ACACB: variants seen among roughly 807,000 people sequenced by gnomAD.
The protein encoded by ACACB is acetyl-CoA carboxylase beta.
In ACACB, 209 loss-of-function variants were observed where a neutral mutation model predicts 278.8. That is an observed-to-expected ratio of 0.75 (90% CI 0.67 to 0.84). The LOEUF is 0.84. ACACB is among the 40% of genes least tolerant of loss of function. The pLI is 0.00. For missense variants in ACACB, 2,850 were observed against 3,269.0 expected (o/e 0.87, Z 3.13); for synonymous variants, 1,174 against 1,285.6 (o/e 0.91, Z 1.86).
intron 44 of ACACB, among the ~76,000 whole-genome samples, chr12:109,255,693 G>A (rs1280634566): frequency 6.6e-6 from 1 of 152,162 alleles, no homozygotes; most frequent in Non-Finnish European, 1.5e-5. Flanking sequence ...TGTCTCTCTG[G>A]GAAATTGAAA....
At chr12:109,194,550 T>TGTGTGTGTGTC (rs1565908130) in intron 16 of ACACB, among the ~76,000 whole-genome samples, 1 of 13,456 alleles carries the variant, frequency 7.4e-5, no homozygotes, top group African/African-American at 1.9e-4. Context: ...GTGTGTGTGT[T>TGTGTGTGTGTC]TACATTGGCC....
At chr12:109,157,157 C>CGATCT (rs1565871035) in intron 2 of ACACB, among the ~76,000 whole-genome samples, 1 of 152,052 alleles carries the variant, frequency 6.6e-6, no homozygotes, top group Non-Finnish European at 1.5e-5. Flanking sequence ...TGGATTTGGA[C>CGATCT]GATCTAACTT....
At chr12:109,258,845 C>T in intron 46 of ACACB, 128 bp from the exon 47 acceptor site, 1 of 1,248,378 alleles carries the variant, frequency 8.0e-7, no homozygotes, top group Non-Finnish European at 1.1e-6. Context: ...CTTCTGAGCC[C>T]TGGCTCTGGT....
intron 1 of ACACB, among the ~76,000 whole-genome samples, chr12:109,128,272 C>G (rs1219706614): frequency 1.3e-5 from 2 of 152,172 alleles, no homozygotes; most frequent in South Asian, 4.1e-4. Flanking sequence ...CCTCAGCCTC[C>G]CTAGTAGCTG....
intron 43 of ACACB, 111 bp from the exon 44 acceptor site, chr12:109,254,103 G>T (rs2047163788): frequency 5.3e-6 from 7 of 1,320,050 alleles, no homozygotes; most frequent in South Asian, 1.2e-5. Context: ...CCTAGGGAGG[G>T]GATATTGCTG....
intron 45 of ACACB, among the ~76,000 whole-genome samples, chr12:109,256,951 A>T (rs1471149836): frequency 2.0e-5 from 3 of 152,226 alleles, no homozygotes; most frequent in Admixed American, 6.5e-5. Context: ...AATGGCTGCT[A>T]TCATTTACAT....
intron 2 of ACACB, among the ~76,000 whole-genome samples, chr12:109,145,951 G>T (rs1292142274): frequency 6.6e-6 from 1 of 152,156 alleles, no homozygotes; most frequent in South Asian, 2.1e-4. Context: ...AGAGGTTGCA[G>T]TGAGCCAAGA....
At chr12:109,198,251 A>G (rs1279997454) in intron 17 of ACACB, among the ~76,000 whole-genome samples, 1 of 152,122 alleles carries the variant, frequency 6.6e-6, no homozygotes, top group African/African-American at 2.4e-5. Context: ...CAGGATTACT[A>G]TAGGTTCTAC....
At chr12:109,252,961 G>A in intron 42 of ACACB, 54 bp from the exon 43 acceptor site, 1 of 1,429,378 alleles carries the variant, frequency 7.0e-7, no homozygotes, top group Non-Finnish European at 9.3e-7. Context: ...TTCCAAACAG[G>A]TGGTAGAGCC....
rs930121684 is a variant in ACACB at position 109,175,990 on chromosome 12, G to C, written c.1276G>C (p.Glu426Gln). The C allele has an allele frequency of 6.2e-7, 1 of 1,614,214 alleles. No homozygotes were observed. The highest frequency in any genetic ancestry group is 8.5e-7 in the Non-Finnish European group (1 of 1,180,040). Residue 426 changes from glutamate to glutamine, a missense_variant, in exon 8 of 53, where the codon GAA becomes CAA. Transcript: ENST00000338432. ...GCAGGGAAAAAGAATCAGTGTCCCA[G>C]AAGATGTTTATGACAAGGGTTGCGT... ...LQQGKRISVP[E>Q]DVYDKGCVKD...
chr12:109,206,684 C>A (rs749341794), intron 19 of ACACB, 26 bp from the exon 20 acceptor site: 1 of 1,612,398 alleles, frequency 6.2e-7, no homozygotes, highest in East Asian at 2.2e-5. Context: ...TTTTCCTGAC[C>A]TGTCGTTCTT....
intron 34 of ACACB, among the ~76,000 whole-genome samples, chr12:109,239,422 T>C (rs1056959339): frequency 6.6e-6 from 1 of 152,018 alleles, no homozygotes; most frequent in African/African-American, 2.4e-5. Context: ...AGAGCCTTGA[T>C]TGTGGTTTCC....
In ACACB at chr12:109,233,891, C is replaced by T. The variant is rs375755705; in HGVS notation, c.4239+44C>T. 3.7e-5 allele frequency: 60 copies of T among 1,613,030 alleles called. 1 individual carries two copies. In the African/African-American group the frequency reaches 4.5e-4, roughly 12 times the overall value. ...GGAGCAACCTGGGGAGCAGGTGGGC[C>T]GTGGCCCCCAGGCTTTCCAGCCCTA... On this transcript the variant is annotated intron_variant, in intron 30 of 52. Coordinates refer to ENST00000338432, the MANE Select transcript of ACACB (RefSeq NM_001093.4).
At chr12:109,243,138 C>T (rs781046150) in intron 37 of ACACB, among the ~76,000 whole-genome samples, 1 of 152,116 alleles carries the variant, frequency 6.6e-6, no homozygotes, top group Non-Finnish European at 1.5e-5. Context: ...TTCCTAGTCC[C>T]ACACTCTGAT....
intron 2 of ACACB, chr12:109,154,579 G>C (rs1405669056): frequency 1.3e-5 from 2 of 151,412 alleles, no homozygotes; most frequent in Non-Finnish European, 2.9e-5. Flanking sequence ...GCGGGGCTCC[G>C]TCCGGAAGGC....
chr12:109,222,468 T>TG (rs759269095), intron 24 of ACACB, 39 bp from the exon 25 acceptor site: 1 of 1,587,444 alleles, frequency 6.3e-7, no homozygotes, highest in South Asian at 1.1e-5. Flanking sequence ...TTCCCTGGGC[T>TG]GGAGAAAAGC....
intron 21 of ACACB, among the ~76,000 whole-genome samples, chr12:109,211,429 T>A (rs1234598499): frequency 6.6e-6 from 1 of 151,938 alleles, no homozygotes; most frequent in African/African-American, 2.4e-5. Flanking sequence ...TTTTGTATTT[T>A]TTTAGTGAAG....
chr12:109,128,724 A>G (rs768809992), intron 1 of ACACB, among the ~76,000 whole-genome samples: 1 of 151,850 alleles, frequency 6.6e-6, no homozygotes, highest in Non-Finnish European at 1.5e-5. Flanking sequence ...GAAGAACCCA[A>G]AGTCTACAGA....
intron 45 of ACACB, 92 bp from the exon 46 acceptor site, chr12:109,258,176 C>A: frequency 1.2e-6 from 1 of 825,294 alleles, no homozygotes; most frequent in Non-Finnish European, 1.9e-6. Context: ...AAAGAGCATT[C>A]TCCTCCACGT....
Sources: allele counts gnomAD v4.1 joint callset (sites outside exome capture counted in the v4.1 genomes callset), GRCh38; gene constraint gnomAD v4.1.1; transcripts MANE v1.5; gene names NCBI Gene and HGNC (gene_info 2026-07-23, HGNC 2026-07-21).